Variants in STPG2 observed in about 807,000 individuals in gnomAD.
The protein encoded by STPG2 is sperm-tail PG-rich repeat-containing protein 2.
Under a neutral mutation model 54.2 loss-of-function variants are expected in STPG2, and 56 were observed. The observed-to-expected ratio is 1.03, with a 90% CI of 0.83 to 1.29. The LOEUF is 1.29. Ranked by LOEUF, STPG2 falls within the 50% of genes most tolerant of loss-of-function variation. The probability of loss-of-function intolerance (pLI) is 0.00; values close to 1 mark genes in which losing one functional copy is unlikely to be tolerated. For synonymous variants in STPG2, 200 were observed against 181.8 expected, an observed-to-expected ratio of 1.10 and a Z score of -0.81; for missense variants, 596 against 544.9, an observed-to-expected ratio of 1.09 and a Z score of -0.93.
intron 9 of STPG2, among the ~76,000 whole-genome samples, chr4:97,753,966 T>C (rs1443363546): frequency 6.6e-6 from 1 of 152,094 alleles, no homozygotes; most frequent in African/African-American, 2.4e-5. Flanking sequence ...ATTGAGTAGA[T>C]TGCCTTTTAA....
downstream of STPG2, among the ~76,000 whole-genome samples, chr4:97,555,390 C>G (rs1338651596): frequency 1.3e-5 from 2 of 151,932 alleles, no homozygotes; most frequent in East Asian, 1.9e-4. Context: ...ATTATTTTTC[C>G]TCTCCTATAC....
At chr4:97,642,697 C>T (rs759342161) in intron 10 of STPG2, among the ~76,000 whole-genome samples, 20 of 151,326 alleles carry the variant, frequency 1.3e-4, no homozygotes, top group Middle Eastern at 3.2e-3. Flanking sequence ...AAACAATTCA[C>T]GTAGGCACAA....
At chr4:97,876,427 T>C (rs1040167013) in intron 8 of STPG2, among the ~76,000 whole-genome samples, 1 of 152,054 alleles carries the variant, frequency 6.6e-6, no homozygotes, top group African/African-American at 2.4e-5. Flanking sequence ...CAATGATGTC[T>C]TAAAAGCATA....
At chr4:97,989,217 AAT>A (rs1045892745) in intron 5 of STPG2, among the ~76,000 whole-genome samples, 3 of 152,206 alleles carry the variant, frequency 2.0e-5, no homozygotes, top group Non-Finnish European at 4.4e-5. Context: ...ACTTCTACAC[AAT>A]TCTGTGGCTA....
chr4:97,959,290 T>G (rs910511570), intron 7 of STPG2, among the ~76,000 whole-genome samples: 2 of 151,632 alleles, frequency 1.3e-5, no homozygotes, highest in African/African-American at 4.8e-5. Context: ...AAACAGACAA[T>G]CTAAGGTCAC....
chr4:98,043,344 A>G (rs1737023634), intron 5 of STPG2, among the ~76,000 whole-genome samples: 1 of 152,074 alleles, frequency 6.6e-6, no homozygotes, highest in Non-Finnish European at 1.5e-5. Flanking sequence ...AATTATTAAT[A>G]AAGATTTACT....
At chr4:97,643,486 T>C (rs1402570516) in intron 10 of STPG2, among the ~76,000 whole-genome samples, 1 of 151,744 alleles carries the variant, frequency 6.6e-6, no homozygotes, top group African/African-American at 2.4e-5. Flanking sequence ...TCTTATGGCA[T>C]CATAGAACAA....
intron 4 of STPG2, among the ~76,000 whole-genome samples, chr4:97,453,917 G>A (rs773300474): frequency 6.6e-6 from 1 of 152,010 alleles, no homozygotes; most frequent in Non-Finnish European, 1.5e-5. Flanking sequence ...GAAGAGAGGT[G>A]GAGGTATAAG....
At chr4:98,017,594 A>G (rs1187172627) in intron 5 of STPG2, among the ~76,000 whole-genome samples, 1 of 152,140 alleles carries the variant, frequency 6.6e-6, no homozygotes, top group Non-Finnish European at 1.5e-5. Flanking sequence ...TATGTGCTCC[A>G]TGTAGATACT....
chr4:97,584,447 A>G (rs1180947028), intron 10 of STPG2, among the ~76,000 whole-genome samples: 1 of 152,040 alleles, frequency 6.6e-6, no homozygotes, highest in African/African-American at 2.4e-5. Context: ...GCAGAAACAG[A>G]CAATCTAAGG....
chr4:98,049,760 G>T (rs961565207), intron 5 of STPG2, among the ~76,000 whole-genome samples: 5 of 152,052 alleles, frequency 3.3e-5, no homozygotes, highest in African/African-American at 1.2e-4. Flanking sequence ...TAAATAATAG[G>T]TCTAGATTTT....
At chr4:97,615,711 A>T (rs906201157) in intron 10 of STPG2, among the ~76,000 whole-genome samples, 1 of 151,962 alleles carries the variant, frequency 6.6e-6, no homozygotes, top group African/African-American at 2.4e-5. Context: ...ATGGTTCATG[A>T]ATTTCATTAT....
At chr4:97,660,001 TTTC>T (rs983252885) in intron 10 of STPG2, among the ~76,000 whole-genome samples, 3 of 149,880 alleles carry the variant, frequency 2.0e-5, no homozygotes, top group African/African-American at 7.3e-5. Flanking sequence ...AGAATCTTTC[TTTC>T]TTTTTTTTTT....
chr4:97,446,575 C>A (rs1457330374), intron 4 of STPG2, among the ~76,000 whole-genome samples: 2 of 152,142 alleles, frequency 1.3e-5, no homozygotes, highest in Admixed American at 1.3e-4. Context: ...AATTGCAATT[C>A]CCATGTATCA....
At chr4:98,039,301 T>G (rs1235398859) in intron 5 of STPG2, among the ~76,000 whole-genome samples, 1 of 149,422 alleles carries the variant, frequency 6.7e-6, no homozygotes, top group East Asian at 1.9e-4. Context: ...CAATCCTACT[T>G]GTATGAATGT....
intron 4 of STPG2, among the ~76,000 whole-genome samples, chr4:97,456,496 A>G (rs373676031): frequency 8.5e-5 from 13 of 152,326 alleles, no homozygotes; most frequent in African/African-American, 3.1e-4. Context: ...GCAGAAGATC[A>G]TAATTCATCA....
chr4:97,905,386 C>T (rs1731365642), intron 8 of STPG2, among the ~76,000 whole-genome samples: 1 of 151,952 alleles, frequency 6.6e-6, no homozygotes, highest in African/African-American at 2.4e-5. Context: ...AAATAAAATA[C>T]TTTACAGACA....
At chr4:97,559,887 G>T (rs1368748981) in intron 10 of STPG2, among the ~76,000 whole-genome samples, 1 of 152,108 alleles carries the variant, frequency 6.6e-6, no homozygotes, top group East Asian at 1.9e-4. Context: ...TATAGTAAGA[G>T]CCTACTGTAT....
intron 8 of STPG2, among the ~76,000 whole-genome samples, chr4:97,885,710 C>T (rs904678192): frequency 2.4e-4 from 36 of 152,178 alleles, no homozygotes; most frequent in African/African-American, 8.4e-4. Context: ...AATGGGCCAG[C>T]ATTTGTAAAC....
Sources: allele counts gnomAD v4.1 joint callset (sites outside exome capture counted in the v4.1 genomes callset), GRCh38; gene constraint gnomAD v4.1.1; transcripts MANE v1.5; gene names NCBI Gene and HGNC (gene_info 2026-07-23, HGNC 2026-07-21).